The following NTMT1 variants were observed in gnomAD, a reference collection of about 807,000 sequenced individuals.
NTMT1 encodes N-terminal RCC1 methyltransferase.
NTMT1 carries 8 observed loss-of-function variants against 17.5 expected under a neutral mutation model. The ratio of observed to expected loss-of-function variants is 0.46; its 90% CI spans 0.27 to 0.82. The LOEUF (loss-of-function observed/expected upper bound fraction) is 0.82, where lower values mean the gene tolerates loss of function less well. Ranked by LOEUF, NTMT1 falls within the 40% of genes least tolerant of loss-of-function variation. NTMT1 has a pLI of 0.15. For missense variants in NTMT1, 221 were observed against 303.5 expected (o/e 0.73, Z 2.02); for synonymous variants, 128 against 126.8 (o/e 1.01, Z -0.06).
intron 1 of NTMT1, among the ~76,000 whole-genome samples, chr9:129,619,076 A>G (rs2118884775): frequency 6.6e-6 from 1 of 152,086 alleles, no homozygotes; most frequent in South Asian, 2.1e-4. Context: ...GAATGGATCC[A>G]CAGGACACCT....
chr9:129,616,317 G>C (rs556432170), intron 1 of NTMT1, among the ~76,000 whole-genome samples: 1 of 152,288 alleles, frequency 6.6e-6, no homozygotes, highest in African/African-American at 2.4e-5. Flanking sequence ...CCGGGTTCAC[G>C]CCATTCTCCT....
intron 1 of NTMT1, chr9:129,628,704 G>C (rs1328961717): frequency 1.3e-5 from 2 of 152,296 alleles, no homozygotes; most frequent in African/African-American, 4.8e-5. Context: ...GAGACGGATG[G>C]AGTCCAGCCT....
At chr9:129,635,002 T>G in intron 3 of NTMT1, 2 of 610,158 alleles carry the variant, frequency 3.3e-6, no homozygotes, top group Non-Finnish European at 5.7e-6. Flanking sequence ...TAATGTGTCT[T>G]TAGGTAGATG....
Position 129,633,917 on chromosome 9 carries a change from A to G in NTMT1, c.163-137A>G. On this transcript the variant is annotated intron_variant, in intron 2 of 3. Transcript: ENST00000372483. Reference sequence around the variant, plus strand: ...GACTCCGTACAAGCTGGCAGCCAGCACAGACCTCCCCACCAGTGCTCAGCT... The same window carrying G: ...GACTCCGTACAAGCTGGCAGCCAGCGCAGACCTCCCCACCAGTGCTCAGCT... The G allele has an allele frequency of 4.1e-6, 4 of 978,444 alleles. No homozygotes were observed. In the Admixed American group the frequency reaches 8.5e-5, roughly 21 times the overall value. The allele number at this position is 978,444 out of a possible 1,614,324, so 60.6% of individuals were successfully genotyped here. A position where few individuals can be genotyped will look rare whatever the true frequency, so the allele number is the denominator to read the frequency against.
Position 129,635,525 on chromosome 9 carries a change from G to C in NTMT1, c.*61G>C. 2.6e-6 allele frequency: 4 copies of C among 1,559,232 alleles called. No individual in the cohort carries two copies. The highest frequency in any genetic ancestry group is 1.2e-5 in the South Asian group (1 of 84,056). On this transcript the variant is annotated 3_prime_UTR_variant, in exon 4 of 4. Coordinates refer to ENST00000372483, the MANE Select transcript of NTMT1 (RefSeq NM_014064.4). ...CCTGGTGGGGGGAGCTGGCAGCTGG[G>C]CAAGATCCAGGCGCCACGCTGGCGG...
chr9:129,629,010 T>A (rs566183536), intron 1 of NTMT1, among the ~76,000 whole-genome samples: 1 of 152,324 alleles, frequency 6.6e-6, no homozygotes, highest in African/African-American at 2.4e-5. Flanking sequence ...TGTCTTTAAT[T>A]TTCCCAGCCA....
chr9:129,632,240 G>A (rs2118958307), intron 1 of NTMT1, among the ~76,000 whole-genome samples: 1 of 152,160 alleles, frequency 6.6e-6, no homozygotes, highest in East Asian at 1.9e-4. Context: ...CTTGAGGTCA[G>A]GACTTCAAGA....
At position 129,610,542 on chromosome 9, in the gene NTMT1, G is replaced by A. The variant is rs1256092334; in HGVS notation, c.-55+1364G>A. On this transcript the variant is annotated intron_variant, in intron 1 of 3. Coordinates refer to the NTMT1 transcript ENST00000372486. ...AGGGCCGGTCGTGGGCTCGGAGCAG[G>A]TGCCAGGAGGTCGCGCGGCCGGAGC... Among the ~76,000 whole-genome samples, 12 of 152,150 alleles carry A rather than the reference G, an allele frequency of 7.9e-5. No individual in the cohort carries two copies. The East Asian group carries it at 2.3e-3, about 30-fold the overall frequency.
chr9:129,613,543 C>A lies in NTMT1; in HGVS notation c.-55+4365C>A, dbSNP rs3213763. On this transcript the variant is annotated intron_variant, in intron 1 of 3. Coordinates refer to the NTMT1 transcript ENST00000372486. The surrounding 1 kb of genome is among the most constrained non-coding windows in gnomAD (Gnocchi z 6.2). ...CCGTTTTCCGACACTCCCAAACACCCGCTCGGACGCCACTGGCAGGGCGGC... is the reference window on the plus strand; with the variant it reads ...CCGTTTTCCGACACTCCCAAACACCAGCTCGGACGCCACTGGCAGGGCGGC... The A allele has an allele frequency of 1.2e-6, 2 of 1,614,180 alleles. No homozygotes were observed. Among genetic ancestry groups the A allele is most frequent in the African/African-American group, 1.3e-5 (1 of 75,060 alleles).
chr9:129,621,538 G>A (rs147009390), upstream of NTMT1, among the ~76,000 whole-genome samples: 40 of 152,232 alleles, frequency 2.6e-4, no homozygotes, highest in East Asian at 3.1e-3. Flanking sequence ...TGTATATTTT[G>A]TAGAAATGGG....
At chr9:129,611,989 A>C (rs1202038347) in intron 1 of NTMT1, among the ~76,000 whole-genome samples, 5 of 151,886 alleles carry the variant, frequency 3.3e-5, no homozygotes, top group Non-Finnish European at 7.4e-5. Context: ...GGCTCAAGCC[A>C]TCCTCCCACC....
At position 129,626,208 on chromosome 9, in the gene NTMT1, T is replaced by G. The variant is rs1268417736; in HGVS notation, c.-142T>G. The G allele has an allele frequency of 1.3e-5, 2 of 152,126 alleles. No homozygotes were observed. Among genetic ancestry groups the G allele is most frequent in the Non-Finnish European group, 2.9e-5 (2 of 68,030 alleles). The allele number at this position is 152,126 out of a possible 1,614,324, so 9.4% of individuals were successfully genotyped here. ...GCGTCTGGTCGTGGTCTGGCGGAGC[T>G]GCGGTTGGCTTGTGGCGTCTCCGCC... On this transcript the variant is annotated 5_prime_UTR_variant, in exon 1 of 4. Coordinates refer to ENST00000372483, the MANE Select transcript of NTMT1 (RefSeq NM_014064.4).
At chr9:129,615,550 G>A (rs375658242) in intron 1 of NTMT1, 67 of 1,610,466 alleles carry the variant, frequency 4.2e-5, no homozygotes, top group South Asian at 7.7e-5. Context: ...AATCGCACCC[G>A]GAAAGGGCAA....
rs1400622141 is a variant in NTMT1 at position 129,613,495 on chromosome 9, A to C, written c.-55+4317A>C. ...GGTCTCCTCCTTGGCCCCAGGGTAC[A>C]GGGCTTTGGGCAAACTCTCCAGCCG... On this transcript the variant is annotated intron_variant, in intron 1 of 3. Transcript: ENST00000372486. The surrounding 1 kb of genome is among the most constrained non-coding windows in gnomAD (Gnocchi z 6.2). 1.9e-6 allele frequency: 3 copies of C among 1,614,166 alleles called. No individual in the cohort carries two copies. Among genetic ancestry groups the C allele is most frequent in the Non-Finnish European group, 2.5e-6 (3 of 1,180,020 alleles).
rs779311104 is a variant in NTMT1, at chr9:129,619,604, G to C, written c.-55+10426G>C. The C allele has an allele frequency of 4.4e-5, 71 of 1,613,918 alleles. 1 individual carries two copies. Among genetic ancestry groups the C allele is most frequent in the Non-Finnish European group, 5.8e-5 (69 of 1,180,024 alleles). On this transcript the variant is annotated intron_variant, in intron 1 of 3. Coordinates refer to the NTMT1 transcript ENST00000372486. ...AGGTGTCTGCTGGAGCGAAATCTTC[G>C]TAAGACTATCCTGGAGGTGCGATGA... is the stretch of plus-strand genomic sequence containing the variant.
intron 1 of NTMT1, among the ~76,000 whole-genome samples, chr9:129,629,271 A>G (rs1831030742): frequency 6.6e-6 from 1 of 152,194 alleles, no homozygotes; most frequent in Non-Finnish European, 1.5e-5. Context: ...ATCAGACCAT[A>G]GCAGCCACCA....
chr9:129,630,056 A>C (rs1052687437), intron 1 of NTMT1, among the ~76,000 whole-genome samples: 1 of 152,248 alleles, frequency 6.6e-6, no homozygotes, highest in African/African-American at 2.4e-5. Context: ...ATCTGTTAGA[A>C]GTATTCTTGA....
chr9:129,625,368 T>G (rs1029516031), upstream of NTMT1, among the ~76,000 whole-genome samples: 5 of 152,192 alleles, frequency 3.3e-5, no homozygotes, highest in African/African-American at 1.2e-4. Context: ...AAGATGCTAA[T>G]GGAGATGGGT....
chr9:129,631,640 C>T (rs1264541184), intron 1 of NTMT1, among the ~76,000 whole-genome samples: 1 of 152,238 alleles, frequency 6.6e-6, no homozygotes, highest in East Asian at 1.9e-4. Context: ...CTGTAGGATG[C>T]AGTCGAAACT....
Sources: gnomAD v4.1 joint callset for allele counts (sites outside exome capture counted in the v4.1 genomes callset) on GRCh38, gnomAD v4.1.1 for gene constraint, Gnocchi (gnomAD v3.1) non-coding constraint, MANE v1.5 for transcripts, NCBI Gene and HGNC (gene_info 2026-07-23, HGNC 2026-07-21) for gene names.